The following ASTN2 variants were observed in gnomAD, a reference collection of about 807,000 sequenced individuals.
ASTN2 encodes astrotactin-2.
Under a neutral mutation model 139.8 loss-of-function variants are expected in ASTN2, and 54 were observed. That is an observed-to-expected ratio of 0.39 (90% CI 0.31 to 0.48). The LOEUF (loss-of-function observed/expected upper bound fraction) is 0.48, where lower values mean the gene tolerates loss of function less well. ASTN2 is among the 20% of genes least tolerant of loss of function. The pLI is 0.95. For missense variants in ASTN2, 1,565 were observed against 1,725.1 expected (o/e 0.91, Z 1.64); for synonymous variants, 756 against 719.5 (o/e 1.05, Z -0.81).
intron 10 of ASTN2, among the ~76,000 whole-genome samples, chr9:116,939,515 A>G (rs931392811): frequency 6.6e-6 from 1 of 152,128 alleles, no homozygotes; most frequent in African/African-American, 2.4e-5. Flanking sequence ...TGTCTACCAA[A>G]GGGCTCATCA....
At chr9:117,379,198 T>C (rs1157570646) in intron 1 of ASTN2, among the ~76,000 whole-genome samples, 3 of 152,146 alleles carry the variant, frequency 2.0e-5, no homozygotes. Flanking sequence ...ATGCAGTCTT[T>C]GAGTCAAACT....
intron 13 of ASTN2, among the ~76,000 whole-genome samples, chr9:116,751,301 G>A (rs961755113): frequency 2.0e-5 from 3 of 152,202 alleles, no homozygotes; most frequent in Admixed American, 6.5e-5. Context: ...ATATTTGCCT[G>A]TGTGGTAGTT....
At chr9:116,836,178 TG>T (rs1007814250) in intron 11 of ASTN2, among the ~76,000 whole-genome samples, 1 of 152,134 alleles carries the variant, frequency 6.6e-6, no homozygotes. Context: ...GTCTAGTCAC[TG>T]TTCCCCCCTT....
chr9:117,010,619 G>C (rs1837498834), intron 6 of ASTN2, among the ~76,000 whole-genome samples: 1 of 152,134 alleles, frequency 6.6e-6, no homozygotes. Flanking sequence ...TTCATAGCTT[G>C]ATATAAAGAT....
At chr9:116,624,344 C>T (rs1194554510) in intron 17 of ASTN2, among the ~76,000 whole-genome samples, 1 of 152,172 alleles carries the variant, frequency 6.6e-6, no homozygotes, top group African/African-American at 2.4e-5. Context: ...CTACTTCATA[C>T]CTTGTGCCTT....
chr9:117,135,234 C>T (rs756703724), intron 4 of ASTN2, among the ~76,000 whole-genome samples: 2 of 152,200 alleles, frequency 1.3e-5, no homozygotes, highest in African/African-American at 2.4e-5. Flanking sequence ...CCACTATGTA[C>T]TAGTTGAGTA....
chr9:117,320,249 A>G (rs188670407), intron 1 of ASTN2, among the ~76,000 whole-genome samples: 2 of 152,280 alleles, frequency 1.3e-5, no homozygotes, highest in East Asian at 3.9e-4. Context: ...CACATAACTG[A>G]AATAAAATAC....
chr9:117,091,229 A>G (rs1401387113), intron 5 of ASTN2, among the ~76,000 whole-genome samples: 1 of 152,222 alleles, frequency 6.6e-6, no homozygotes, highest in Non-Finnish European at 1.5e-5. Context: ...GAACACCTAT[A>G]AGCCAAACAC....
intron 6 of ASTN2, among the ~76,000 whole-genome samples, chr9:117,009,568 C>T (rs1837454138): frequency 6.6e-6 from 1 of 152,150 alleles, no homozygotes; most frequent in South Asian, 2.1e-4. Flanking sequence ...CAAAGCTGGA[C>T]AGGGAGCGTG....
chr9:117,238,055 T>G (rs949760627), intron 2 of ASTN2, among the ~76,000 whole-genome samples: 2 of 152,108 alleles, frequency 1.3e-5, no homozygotes, highest in African/African-American at 4.8e-5. Flanking sequence ...CACAGTGAAA[T>G]CCACCATCTC....
chr9:116,939,576 G>A (rs1835170274), intron 10 of ASTN2, among the ~76,000 whole-genome samples: 1 of 152,082 alleles, frequency 6.6e-6, no homozygotes, highest in Non-Finnish European at 1.5e-5. Flanking sequence ...GACAGATACA[G>A]CTAAACAGAA....
chr9:116,900,616 C>T (rs1011338550), intron 10 of ASTN2, among the ~76,000 whole-genome samples: 17 of 151,992 alleles, frequency 1.1e-4, no homozygotes, highest in African/African-American at 2.9e-4. Flanking sequence ...GAAGTCAGAC[C>T]GATTCTTCAA....
At chr9:117,365,270 A>T (rs1400904698) in intron 1 of ASTN2, among the ~76,000 whole-genome samples, 1 of 151,790 alleles carries the variant, frequency 6.6e-6, no homozygotes, top group Non-Finnish European at 1.5e-5. Context: ...AGAGAAAAAA[A>T]GACAGAAAGA....
At chr9:116,513,906 C>G (rs528302753) in intron 19 of ASTN2, among the ~76,000 whole-genome samples, 401 of 151,966 alleles carry the variant, frequency 2.6e-3, no homozygotes, top group African/African-American at 9.4e-3. Flanking sequence ...TTCTTCTAAT[C>G]TTTTTTCAAG....
Position 116,642,509 on chromosome 9 carries a change from G to A in ASTN2, c.3072+9019C>T, listed in dbSNP as rs866270318. On this transcript the variant is annotated intron_variant, in intron 17 of 22. Coordinates refer to ENST00000313400, the MANE Select transcript of ASTN2 (RefSeq NM_001365068.1). The stretch of plus-strand genomic sequence containing the variant: ...AATACTTGTTCAAATGATGTAAATG[G>A]AATTCTCACTCTTCAGCCATCTCAT... Among the ~76,000 whole-genome samples the A allele has an allele frequency of 2.0e-5, 3 of 152,142 alleles. No homozygotes were observed. The South Asian group carries it at 6.2e-4, about 32-fold the overall frequency.
Position 116,729,122 on chromosome 9 carries a change from G to A in ASTN2, c.2522-26C>T, listed in dbSNP as rs188134863. The A allele has an allele frequency of 1.8e-4, 274 of 1,530,102 alleles. 2 individuals carry two copies. In the East Asian group the frequency reaches 4.6e-3, roughly 25 times the overall value. The allele number at this position is 1,530,102 out of a possible 1,614,324, so 94.8% of individuals were successfully genotyped here. ...CTGGGAGAGAAAATAAGATGGTCAC[G>A]TGAGCCCAGAATTAAGACGCTTCAC... On this transcript the variant is annotated intron_variant, in intron 14 of 22. Transcript: ENST00000313400.
intron 11 of ASTN2, among the ~76,000 whole-genome samples, chr9:116,839,182 C>T (rs903013262): frequency 6.6e-6 from 1 of 152,114 alleles, no homozygotes. Context: ...CTTACTCTGT[C>T]ACCCAGGCTG....
intron 1 of ASTN2, among the ~76,000 whole-genome samples, chr9:117,390,970 T>C (rs1483434693): frequency 2.0e-5 from 3 of 152,216 alleles, no homozygotes; most frequent in African/African-American, 4.8e-5. Context: ...TCCCAGGTCC[T>C]GGTATTTTTA....
chr9:117,362,573 C>T (rs541699277), intron 1 of ASTN2, among the ~76,000 whole-genome samples: 18 of 152,178 alleles, frequency 1.2e-4, no homozygotes, highest in African/African-American at 4.3e-4. Context: ...TAAGGGAGTT[C>T]CTCTTTCTCA....
Sources: gnomAD v4.1 joint callset for allele counts (sites outside exome capture counted in the v4.1 genomes callset) on GRCh38, gnomAD v4.1.1 for gene constraint, MANE v1.5 for transcripts, NCBI Gene and HGNC (gene_info 2026-07-23, HGNC 2026-07-21) for gene names.